Variants in ADGRE1 observed in about 807,000 individuals in gnomAD.
ADGRE1 encodes EGF-like module receptor 1.
In ADGRE1, 82 loss-of-function variants were observed where a neutral mutation model predicts 102.7. The ratio of observed to expected loss-of-function variants is 0.80; its 90% CI spans 0.67 to 0.96. The LOEUF (loss-of-function observed/expected upper bound fraction) is 0.96, where lower values mean the gene tolerates loss of function less well. Ranked by LOEUF, ADGRE1 falls within the 40% of genes least tolerant of loss-of-function variation. The pLI is 0.00. For synonymous variants in ADGRE1, 398 were observed against 399.6 expected (o/e 1.00, Z 0.05); for missense variants, 1,032 against 1,085.3 (o/e 0.95, Z 0.69).
Position 6,935,005 on chromosome 19 carries a change from A to G in ADGRE1, c.2308A>G (p.Thr770Ala), listed in dbSNP as rs762106707. 1 of 1,593,052 alleles carries G rather than the reference A, an allele frequency of 6.3e-7. No individual in the cohort carries two copies. Among genetic ancestry groups the G allele is most frequent in the Non-Finnish European group, 8.6e-7 (1 of 1,169,104 alleles). ...TTTGCAGATCAACTCCCTTCTCCTGACCTGGACCTTGTGGATCCTGAGGCA... is the reference window on the plus strand; with the variant it reads ...TTTGCAGATCAACTCCCTTCTCCTGGCCTGGACCTTGTGGATCCTGAGGCA... ...TVIVINSLLL[T>A]WTLWILRQRL... The change falls in exon 18 of 21, where the codon ACC (threonine) becomes GCC (alanine). Residue 770 changes from threonine (T) to alanine (A), a missense_variant. Transcript: ENST00000312053.
intron 17 of ADGRE1, among the ~76,000 whole-genome samples, chr19:6,932,908 C>T (rs1466966645): frequency 6.6e-6 from 1 of 152,122 alleles, no homozygotes; most frequent in Non-Finnish European, 1.5e-5. Context: ...TAGGTATGAA[C>T]AATCATGGAA....
chr19:6,925,321 C>G (rs1468185457), intron 15 of ADGRE1, among the ~76,000 whole-genome samples: 1 of 152,178 alleles, frequency 6.6e-6, no homozygotes, highest in African/African-American at 2.4e-5. Context: ...CGGGGTTTCA[C>G]CATTTTGGCC....
Position 6,896,490 on chromosome 19 carries a change from C to T in ADGRE1, c.187C>T (p.Leu63=). Residue 63 remains leucine (L), a synonymous_variant, in exon 3 of 21, where the codon CTG becomes TTG. Transcript: ENST00000312053. ...CTATTGCGCTTGCAAACAAGGCTTC[C>T]TGTCCAGCAATGGGCAAAATCACTT... ...SYYCACKQGF[L]SSNGQNHFKD... The T allele has an allele frequency of 6.2e-7, 1 of 1,614,108 alleles. No homozygotes were observed. Among genetic ancestry groups the T allele is most frequent in the South Asian group, 1.1e-5 (1 of 91,068 alleles).
chr19:6,923,977 A>T (rs1452782263), intron 14 of ADGRE1, among the ~76,000 whole-genome samples: 1 of 151,602 alleles, frequency 6.6e-6, no homozygotes, highest in African/African-American at 2.4e-5. Context: ...AATAAATGGC[A>T]TAGAAGAAGG....
At chr19:6,928,025 G>A (rs1037174898) in intron 16 of ADGRE1, 120 bp from the exon 17 acceptor site, 2 of 1,263,214 alleles carry the variant, frequency 1.6e-6, no homozygotes, top group Non-Finnish European at 2.2e-6. Context: ...GGACCATCCT[G>A]AGCATCATCT....
chr19:6,921,964 T>C, intron 14 of ADGRE1, 81 bp downstream of exon 14: 1 of 1,489,554 alleles, frequency 6.7e-7, no homozygotes, highest in Non-Finnish European at 9.1e-7. Flanking sequence ...ACATCTGTTG[T>C]GTGTCTCCCA....
rs1227099102 is a variant in ADGRE1, at chr19:6,903,834, G to A, written c.686G>A (p.Cys229Tyr). Residue 229 changes from cysteine (C) to tyrosine (Y), a missense_variant, in exon 7 of 21, where the codon TGC (cysteine) becomes TAC (tyrosine). Transcript: ENST00000312053. ...CEDIDECTEM[C>Y]PINSTCTNTP... ...GATATTGATGAATGCACTGAAATGT[G>A]CCCCATCAATTCAACATGCACCAAC... 1 of 1,614,060 alleles carries A rather than the reference G, an allele frequency of 6.2e-7. No homozygotes were observed. The highest frequency in any genetic ancestry group is 1.7e-5 in the Admixed American group (1 of 60,002).
intron 6 of ADGRE1, 73 bp from the exon 7 acceptor site, chr19:6,903,737 A>G (rs1028586244): frequency 1.3e-6 from 2 of 1,583,716 alleles, no homozygotes; most frequent in African/African-American, 1.3e-5. Context: ...ATGACTCCAT[A>G]TTTTGCAAAG....
intron 1 of ADGRE1, among the ~76,000 whole-genome samples, chr19:6,890,069 C>A (rs993980312): frequency 3.9e-5 from 6 of 152,042 alleles, no homozygotes; most frequent in Non-Finnish European, 8.8e-5. Context: ...GTCACCACCA[C>A]CCAGCTAATT....
chr19:6,937,435 T>TGC, intron 19 of ADGRE1, 24 bp downstream of exon 19: 1 of 1,288,838 alleles, frequency 7.8e-7, no homozygotes, highest in Non-Finnish European at 1.1e-6. Context: ...GCCCTCCCCA[T>TGC]CCCCCTCCTC....
rs375664492 is a variant in ADGRE1 at position 6,919,627 on chromosome 19, T to C, written c.1500T>C (p.Ala500=). The C allele has an allele frequency of 8.3e-5, 134 of 1,613,496 alleles. No homozygotes were observed. In the South Asian group the frequency reaches 1.3e-3, roughly 16 times the overall value. Residue 500 remains alanine (A), a synonymous_variant, in exon 13 of 21, where the codon GCT becomes GCC. Transcript: ENST00000312053. ...AGCGCTTCTTCAAAGACCACCAGGC[T>C]CCCTTGACCACCTCTGAGATCAAGC... ...LNERFFKDHQ[A]PLTTSEIKLK... is the part of the protein sequence containing the mutation.
chr19:6,922,610 TCTCA>T (rs1367015828), intron 14 of ADGRE1, among the ~76,000 whole-genome samples: 3,330 of 119,876 alleles, frequency 0.028, 32 homozygotes, highest in Admixed American at 0.053. Flanking sequence ...TGAGACTCTG[TCTCA>T]CACACACACA....
At position 6,927,287 on chromosome 19, in the gene ADGRE1, C is replaced by CCCTCCCTCCCTCTCTT. The variant is rs1459677733; in HGVS notation, c.2222+694_2222+709dup. Among the ~76,000 whole-genome samples the CCCTCCCTCCCTCTCTT allele has an allele frequency of 3.0e-4, 21 of 69,192 alleles. No individual in the cohort carries two copies. The East Asian group carries it at 6.9e-3, about 23-fold the overall frequency. The allele number at this position is 69,192 out of a possible 152,430, so 45.4% of individuals were successfully genotyped here. ...CTTCCTTCCTTGCCTTCCTTCCCTT[C>CCCTCCCTCCCTCTCTT]CCTCCCTCCCTCTCTTCCTCCCTTC... is the stretch of plus-strand genomic sequence containing the variant. On this transcript the variant is annotated intron_variant, in intron 16 of 20. Transcript: ENST00000312053.
intron 14 of ADGRE1, 52 bp from the exon 15 acceptor site, chr19:6,924,626 G>T: frequency 3.9e-6 from 6 of 1,534,986 alleles, no homozygotes; most frequent in East Asian, 2.3e-5. Context: ...CTTCCCGCCT[G>T]GGGGGATTTT....
At chr19:6,907,647 G>C (rs1160260832) in intron 9 of ADGRE1, among the ~76,000 whole-genome samples, 1 of 151,826 alleles carries the variant, frequency 6.6e-6, no homozygotes, top group Non-Finnish European at 1.5e-5. Flanking sequence ...CCAAGTTCTG[G>C]AATATTTTTA....
intron 3 of ADGRE1, 192 bp from the exon 4 acceptor site, chr19:6,896,957 C>T: frequency 1.7e-6 from 1 of 603,756 alleles, no homozygotes; most frequent in Non-Finnish European, 2.8e-6. Flanking sequence ...GACCTAGTGT[C>T]ACTTCCACCA....
chr19:6,928,170 T>C lies in ADGRE1; in HGVS notation c.2248T>C (p.Phe750Leu). ...NRCWLNTETG[F>L]IWSFLGPVCT... ...CTGCTGGCTGAATACAGAGACAGGGTTCATCTGGAGTTTCTTGGGGCCAGT... is the reference window on the plus strand; with the variant it reads ...CTGCTGGCTGAATACAGAGACAGGGCTCATCTGGAGTTTCTTGGGGCCAGT... The change falls in exon 17 of 21, where the codon TTC becomes CTC. Residue 750 changes from phenylalanine (F) to leucine (L), a missense_variant. Coordinates refer to ENST00000312053, the MANE Select transcript of ADGRE1 (RefSeq NM_001974.5). The C allele has an allele frequency of 6.2e-7, 1 of 1,613,998 alleles. No homozygotes were observed. The highest frequency in any genetic ancestry group is 8.5e-7 in the Non-Finnish European group (1 of 1,179,968).
At chr19:6,923,490 A>G (rs1429032915) in intron 14 of ADGRE1, among the ~76,000 whole-genome samples, 3 of 152,156 alleles carry the variant, frequency 2.0e-5, no homozygotes, top group Non-Finnish European at 4.4e-5. Flanking sequence ...TGTCTTGTCC[A>G]AAATCACACA....
At position 6,913,769 on chromosome 19, in the gene ADGRE1, A is replaced by C; in HGVS notation, c.1239A>C (p.Thr413=). ...TVFLESVESM[T]LASFWKPSAN... Reference sequence around the variant, plus strand: ...TCCTGGAGAGTGTGGAAAGCATGACACTGGCATCTTTTTGGAAACCCTCAG... The same window carrying C: ...TCCTGGAGAGTGTGGAAAGCATGACCCTGGCATCTTTTTGGAAACCCTCAG... Residue 413 remains threonine, a synonymous_variant, in exon 11 of 21, where the codon ACA becomes ACC. Transcript: ENST00000312053. 1 of 1,612,344 alleles carries C rather than the reference A, an allele frequency of 6.2e-7. No homozygotes were observed. The highest frequency in any genetic ancestry group is 8.5e-7 in the Non-Finnish European group (1 of 1,179,092).
Sources: gnomAD v4.1 joint callset for allele counts (sites outside exome capture counted in the v4.1 genomes callset) on GRCh38, gnomAD v4.1.1 for gene constraint, MANE v1.5 for transcripts, NCBI Gene and HGNC (gene_info 2026-07-23, HGNC 2026-07-21) for gene names.